The following NR6A1 variants were observed in gnomAD, a reference collection of about 807,000 sequenced individuals.
NR6A1 encodes retinoic acid receptor-related testis-associated receptor.
Under a neutral mutation model 59.1 loss-of-function variants are expected in NR6A1, and 7 were observed. The observed-to-expected ratio is 0.12, with a 90% CI of 0.07 to 0.22. NR6A1 has a LOEUF of 0.22. Ranked by LOEUF, NR6A1 falls within the 10% of genes least tolerant of loss-of-function variation. The pLI is 1.00. For missense variants in NR6A1, 468 were observed against 611.6 expected (o/e 0.77, Z 2.48); for synonymous variants, 243 against 236.1 (o/e 1.03, Z -0.27).
At chr9:124,647,724 C>CAAAA (rs35591437) in intron 2 of NR6A1, among the ~76,000 whole-genome samples, 35 of 54,516 alleles carry the variant, frequency 6.4e-4, no homozygotes, top group East Asian at 1.8e-3. Context: ...GAGACCGTCT[C>CAAAA]AAAAAAAAAA....
chr9:124,600,422 C>A (rs1342626666), intron 2 of NR6A1, among the ~76,000 whole-genome samples: 2 of 152,126 alleles, frequency 1.3e-5, no homozygotes. Flanking sequence ...GCCTTCAACT[C>A]CTGGAGGTGG....
chr9:124,601,473 A>G (rs1460747274), intron 2 of NR6A1, among the ~76,000 whole-genome samples: 1 of 150,796 alleles, frequency 6.6e-6, no homozygotes, highest in East Asian at 2.0e-4. Flanking sequence ...AGTCCCAGCT[A>G]CTCGGGGGGC....
At chr9:124,531,905 C>T (rs998695903) in intron 7 of NR6A1, among the ~76,000 whole-genome samples, 3 of 152,328 alleles carry the variant, frequency 2.0e-5, no homozygotes, top group South Asian at 2.1e-4. Flanking sequence ...TTCCCTTTTA[C>T]GTGGGCTATG....
At position 124,738,872 on chromosome 9, in the gene NR6A1, G is replaced by A. The variant is rs1305440358; in HGVS notation, c.101-5523C>T. 4.6e-5 allele frequency among the ~76,000 whole-genome samples: 7 copies of A among 151,930 alleles called. No individual in the cohort carries two copies. In the East Asian group the frequency reaches 5.8e-4, roughly 13 times the overall value. On this transcript the variant is annotated intron_variant, in intron 1 of 9. Coordinates refer to ENST00000487099, the MANE Select transcript of NR6A1 (RefSeq NM_033334.4). ...ACAAAAATTAGCCAGGCGTGGTGGC[G>A]CATGCTGTAGTCCTAGCTACTCGGG...
chr9:124,625,563 A>C (rs1319759675), intron 2 of NR6A1, among the ~76,000 whole-genome samples: 1 of 152,104 alleles, frequency 6.6e-6, no homozygotes. Context: ...TAAAATGATG[A>C]CCAATATTGC....
intron 2 of NR6A1, among the ~76,000 whole-genome samples, chr9:124,674,755 C>T (rs1424783493): frequency 6.6e-6 from 1 of 152,068 alleles, no homozygotes; most frequent in Non-Finnish European, 1.5e-5. Context: ...GGAAAAAAGG[C>T]TGAAGGAATA....
At chr9:124,556,890 G>T (rs1833945666) in intron 2 of NR6A1, among the ~76,000 whole-genome samples, 2 of 151,362 alleles carry the variant, frequency 1.3e-5, no homozygotes, top group African/African-American at 4.9e-5. Context: ...TCGCAAACAG[G>T]GAAACAGGCA....
At chr9:124,564,037 C>G (rs1834161399) in intron 2 of NR6A1, among the ~76,000 whole-genome samples, 1 of 152,254 alleles carries the variant, frequency 6.6e-6, no homozygotes, top group South Asian at 2.1e-4. Context: ...CTGACTGTGG[C>G]ACTGTACTCC....
At chr9:124,577,919 A>G (rs775972049) in intron 2 of NR6A1, among the ~76,000 whole-genome samples, 3 of 152,230 alleles carry the variant, frequency 2.0e-5, no homozygotes, top group Non-Finnish European at 2.9e-5. Context: ...ACGTGAACAG[A>G]TATCTTCTCT....
intron 2 of NR6A1, among the ~76,000 whole-genome samples, chr9:124,624,453 G>C (rs1029291719): frequency 6.6e-6 from 1 of 152,130 alleles, no homozygotes; most frequent in African/African-American, 2.4e-5. Flanking sequence ...CCCTCTGAAT[G>C]GGTAATATCC....
intron 2 of NR6A1, among the ~76,000 whole-genome samples, chr9:124,721,726 A>G (rs61162020): frequency 0.018 from 2,764 of 152,312 alleles, 76 homozygotes; most frequent in African/African-American, 0.062. Flanking sequence ...GACACTTCAA[A>G]AATAGTCTTC....
chr9:124,676,839 T>A (rs191600787), intron 2 of NR6A1, among the ~76,000 whole-genome samples: 98 of 152,356 alleles, frequency 6.4e-4, no homozygotes, highest in African/African-American at 2.0e-3. Flanking sequence ...AAGTCCTCAG[T>A]AAGTACTAGA....
intron 2 of NR6A1, among the ~76,000 whole-genome samples, chr9:124,559,202 G>C (rs1182142551): frequency 1.3e-5 from 2 of 152,072 alleles, no homozygotes; most frequent in African/African-American, 4.8e-5. Flanking sequence ...CTTAGAAATT[G>C]CCCTGTACAG....
At chr9:124,634,113 A>G (rs1208288993) in intron 2 of NR6A1, among the ~76,000 whole-genome samples, 1 of 152,234 alleles carries the variant, frequency 6.6e-6, no homozygotes, top group Non-Finnish European at 1.5e-5. Flanking sequence ...AAATAATTAT[A>G]TAGTCACTGT....
At chr9:124,713,760 A>C (rs1564250341) in intron 2 of NR6A1, among the ~76,000 whole-genome samples, 1 of 152,224 alleles carries the variant, frequency 6.6e-6, no homozygotes, top group African/African-American at 2.4e-5. Flanking sequence ...GAGGATGTGG[A>C]GAAATTGGAA....
chr9:124,672,748 G>A (rs1201174325), intron 2 of NR6A1, among the ~76,000 whole-genome samples: 1 of 152,044 alleles, frequency 6.6e-6, no homozygotes, highest in Non-Finnish European at 1.5e-5. Flanking sequence ...CAATTTGTAT[G>A]TCAGTGTGGT....
At chr9:124,632,027 T>G (rs1359414372) in intron 2 of NR6A1, among the ~76,000 whole-genome samples, 2 of 152,234 alleles carry the variant, frequency 1.3e-5, no homozygotes, top group African/African-American at 4.8e-5. Flanking sequence ...CTGCATAGTA[T>G]TCCATGATGT....
At chr9:124,694,932 A>G (rs1044647118) in intron 2 of NR6A1, among the ~76,000 whole-genome samples, 3 of 152,348 alleles carry the variant, frequency 2.0e-5, no homozygotes, top group African/African-American at 7.2e-5. Context: ...GGTTCAAGCC[A>G]GTGTTTCCCA....
At chr9:124,585,467 C>G (rs1357330794) in intron 2 of NR6A1, among the ~76,000 whole-genome samples, 1 of 149,024 alleles carries the variant, frequency 6.7e-6, no homozygotes, top group Non-Finnish European at 1.5e-5. Context: ...TGGTGTAAAC[C>G]CAGGAGGCAA....
Sources: gnomAD v4.1 joint callset for allele counts (sites outside exome capture counted in the v4.1 genomes callset) on GRCh38, gnomAD v4.1.1 for gene constraint, MANE v1.5 for transcripts, NCBI Gene and HGNC (gene_info 2026-07-23, HGNC 2026-07-21) for gene names.